Variants in FANCI observed in about 807,000 individuals in gnomAD.
FANCI encodes FA complementation group I.
Under a neutral mutation model 176.1 loss-of-function variants are expected in FANCI, and 156 were observed. The observed-to-expected ratio is 0.89, with a 90% CI of 0.78 to 1.01. The LOEUF (loss-of-function observed/expected upper bound fraction) is 1.01. Ranked by LOEUF, FANCI falls within the 50% of genes least tolerant of loss-of-function variation. FANCI has a pLI of 0.00. For synonymous variants in FANCI, 613 were observed against 541.7 expected (o/e 1.13, Z -1.83); for missense variants, 1,678 against 1,534.1 (o/e 1.09, Z -1.57).
chr15:89,295,754 T>TG (rs2054241938), intron 24 of FANCI, among the ~76,000 whole-genome samples: 1 of 140,126 alleles, frequency 7.1e-6, no homozygotes, highest in African/African-American at 2.6e-5. Flanking sequence ...TTTTTTTTTT[T>TG]GTTGTTGTTG....
intron 12 of FANCI, 88 bp downstream of exon 12, chr15:89,274,392 G>T: frequency 6.9e-7 from 1 of 1,442,976 alleles, no homozygotes; most frequent in Non-Finnish European, 9.6e-7. Context: ...GCCTGTGAGG[G>T]GAAACTGATG....
intron 19 of FANCI, among the ~76,000 whole-genome samples, chr15:89,291,118 A>T (rs1013039362): frequency 7.9e-5 from 12 of 152,220 alleles, no homozygotes; most frequent in Non-Finnish European, 1.6e-4. Context: ...AAAAGGAGAA[A>T]AATAATAACT....
intron 34 of FANCI, chr15:89,308,189 G>C (rs1355046642): frequency 3.9e-6 from 4 of 1,030,604 alleles, no homozygotes; most frequent in Middle Eastern, 4.9e-4. Context: ...CACCACTATT[G>C]ACATGTTGCG....
rs8031831 is a variant in FANCI, at chr15:89,291,794, T to C, written c.1992+80T>C. On this transcript the variant is annotated intron_variant, in intron 20 of 37. Transcript: ENST00000310775. Reference sequence around the variant, plus strand: ...AACTTTGCAAAGAGATACCTTTCCCTGTGAAACTCTCTTCCTGGTTCTTCC... The same window carrying C: ...AACTTTGCAAAGAGATACCTTTCCCCGTGAAACTCTCTTCCTGGTTCTTCC... 1,781 of 1,071,218 alleles carry C rather than the reference T, an allele frequency of 1.7e-3. 21 individuals carry two copies. In the African/African-American group the frequency reaches 0.019, roughly 11 times the overall value. The allele number at this position is 1,071,218 out of a possible 1,614,324, so 66.4% of individuals were successfully genotyped here.
chr15:89,313,900 T>TACACACACAC (rs34352725), intron 35 of FANCI, among the ~76,000 whole-genome samples: 21 of 142,732 alleles, frequency 1.5e-4, no homozygotes, highest in East Asian at 6.5e-4. Context: ...GGGTTAAAAA[T>TACACACACAC]ACACACACAC....
chr15:89,297,915 T>C (rs1567169068), intron 24 of FANCI, among the ~76,000 whole-genome samples: 2 of 151,934 alleles, frequency 1.3e-5, no homozygotes, highest in Non-Finnish European at 2.9e-5. Context: ...TATGGATTGT[T>C]AGTCACATAT....
At position 89,264,295 on chromosome 15, in the gene FANCI, G is replaced by A. The variant is rs78815983; in HGVS notation, c.670-227G>A. Among the ~76,000 whole-genome samples, 1,085 of 152,310 alleles carry A rather than the reference G, an allele frequency of 7.1e-3. 8 individuals are homozygous for A. The highest frequency in any genetic ancestry group is 0.012 in the Non-Finnish European group (785 of 68,016). ...TCTTTGCGGAGGTAAAAGGGATAAA[G>A]ATCTCAGAAAGGGTAGACTATAGGC... On this transcript the variant is annotated intron_variant, in intron 8 of 37. Transcript: ENST00000310775.
chr15:89,307,084 CCCG>C (rs1423337735), intron 32 of FANCI, among the ~76,000 whole-genome samples: 1 of 152,156 alleles, frequency 6.6e-6, no homozygotes, highest in East Asian at 1.9e-4. Context: ...TGTGGACCAC[CCCG>C]CATCACAGCA....
intron 2 of FANCI, among the ~76,000 whole-genome samples, chr15:89,252,701 C>T (rs574222577): frequency 1.1e-4 from 16 of 152,292 alleles, no homozygotes; most frequent in African/African-American, 3.6e-4. Context: ...GATCACGCCA[C>T]TGTACTCCAG....
intron 23 of FANCI, 140 bp downstream of exon 23, chr15:89,294,137 G>A (rs918027625): frequency 3.1e-6 from 3 of 970,750 alleles, no homozygotes; most frequent in Non-Finnish European, 4.8e-6. Context: ...AATAAAAGCT[G>A]GACAATCCTA....
chr15:89,285,326 G>A (rs1033219808), intron 18 of FANCI, 108 bp downstream of exon 18: 10 of 1,434,872 alleles, frequency 7.0e-6, no homozygotes, highest in Non-Finnish European at 9.6e-6. Context: ...CTTACTTGAT[G>A]TAGTCAGCAC....
Position 89,316,766 on chromosome 15 carries a change from G to C in FANCI, c.*307G>C. 6.8e-6 allele frequency: 11 copies of C among 1,613,382 alleles called. No homozygotes were observed. The highest frequency in any genetic ancestry group is 8.5e-6 in the Non-Finnish European group (10 of 1,179,314). ...CCAGGCAGTGCTATGGTCCAGGCTG[G>C]CTTCGTTTTTCCAAGGAGCCTTTGG... On this transcript the variant is annotated 3_prime_UTR_variant, in exon 38 of 38. Transcript: ENST00000310775.
chr15:89,315,949 T>C (rs1266864367), intron 37 of FANCI, among the ~76,000 whole-genome samples: 1 of 152,200 alleles, frequency 6.6e-6, no homozygotes, highest in Non-Finnish European at 1.5e-5. Flanking sequence ...AAGTAGCAAA[T>C]CAGTAGCCCA....
At chr15:89,253,831 C>T (rs1346044055) in intron 2 of FANCI, among the ~76,000 whole-genome samples, 1 of 143,812 alleles carries the variant, frequency 7.0e-6, no homozygotes, top group Non-Finnish European at 1.5e-5. Flanking sequence ...AGGCAAAAAA[C>T]ATGAGAATAA....
At chr15:89,316,347 GC>G (rs2055258583) in intron 37 of FANCI, 49 bp from the exon 38 acceptor site, 2 of 1,551,028 alleles carry the variant, frequency 1.3e-6, no homozygotes, top group African/African-American at 2.7e-5. Flanking sequence ...TATTTCCACT[GC>G]CTTGGAGCAG....
At chr15:89,274,914 C>T (rs1233060490) in intron 12 of FANCI, among the ~76,000 whole-genome samples, 3 of 151,222 alleles carry the variant, frequency 2.0e-5, no homozygotes, top group Non-Finnish European at 2.9e-5. Context: ...CGTTTCTTTT[C>T]CTTTTTAAAG....
At chr15:89,254,714 A>T (rs1466496429) in intron 2 of FANCI, among the ~76,000 whole-genome samples, 1 of 152,296 alleles carries the variant, frequency 6.6e-6, no homozygotes, top group East Asian at 1.9e-4. Context: ...AGGGTTGCTG[A>T]GGCAGGAGAA....
chr15:89,282,996 C>A (rs76341915), intron 16 of FANCI, 140 bp from the exon 17 acceptor site: 3 of 824,262 alleles, frequency 3.6e-6, no homozygotes, highest in Non-Finnish European at 6.1e-6. Context: ...ATTTTGAGTA[C>A]ATAAATTCAC....
At chr15:89,309,519 C>T (rs1178495239) in intron 34 of FANCI, among the ~76,000 whole-genome samples, 1 of 152,022 alleles carries the variant, frequency 6.6e-6, no homozygotes, top group East Asian at 1.9e-4. Context: ...CACTTGAGGC[C>T]AGGAGTTCAA....
Sources: allele counts gnomAD v4.1 joint callset (sites outside exome capture counted in the v4.1 genomes callset), GRCh38; gene constraint gnomAD v4.1.1; transcripts MANE v1.5; gene names NCBI Gene and HGNC (gene_info 2026-07-23, HGNC 2026-07-21).